The following POFUT3 variants were observed in gnomAD, a reference collection of about 807,000 sequenced individuals.
POFUT3 encodes the protein GDP-fucose protein O-fucosyltransferase 3.
the POFUT3 span, among the ~76,000 whole-genome samples, chr8:33,396,378 A>G: frequency 0.022 from 3,412 of 152,318 alleles, 125 homozygotes; most frequent in African/African-American, 0.079. Context: ...TTGTTTTCCT[A>G]TCAGAATATG....
the POFUT3 span, among the ~76,000 whole-genome samples, chr8:33,344,449 T>G: frequency 6.6e-6 from 1 of 152,230 alleles, no homozygotes; most frequent in African/African-American, 2.4e-5. Context: ...TAAGCAGGAC[T>G]GACACTTGAT....
At chr8:33,383,944 CT>C in the POFUT3 span, among the ~76,000 whole-genome samples, 1 of 149,070 alleles carries the variant, frequency 6.7e-6, no homozygotes, top group East Asian at 1.9e-4. Context: ...GTTCTGACCC[CT>C]GAAAAAAAAA....
the POFUT3 span, among the ~76,000 whole-genome samples, chr8:33,344,217 T>C: frequency 6.6e-6 from 1 of 152,126 alleles, no homozygotes; most frequent in South Asian, 2.1e-4. Flanking sequence ...TAAAAAAATG[T>C]CAAGTCTGGA....
chr8:33,317,867 C>T, the POFUT3 span, among the ~76,000 whole-genome samples: 3 of 152,236 alleles, frequency 2.0e-5, no homozygotes, highest in Admixed American at 1.3e-4. Context: ...CATCAGGGCC[C>T]CAGGCATTTC....
At chr8:33,434,987 A>G in the POFUT3 span, among the ~76,000 whole-genome samples, 2 of 152,314 alleles carry the variant, frequency 1.3e-5, no homozygotes, top group South Asian at 2.1e-4. Flanking sequence ...AAGGAACAAA[A>G]TAACATGACC....
the POFUT3 span, among the ~76,000 whole-genome samples, chr8:33,346,821 A>G: frequency 6.6e-6 from 1 of 152,182 alleles, no homozygotes; most frequent in South Asian, 2.1e-4. Context: ...CATCATATGA[A>G]CAAACATAAT....
At chr8:33,375,181 C>T in the POFUT3 span, among the ~76,000 whole-genome samples, 7 of 152,036 alleles carry the variant, frequency 4.6e-5, no homozygotes, top group Non-Finnish European at 8.8e-5. Context: ...CACGAGCCAC[C>T]GTGCTCAGCT....
At chr8:33,466,995 C>T in the POFUT3 span, among the ~76,000 whole-genome samples, 1 of 152,062 alleles carries the variant, frequency 6.6e-6, no homozygotes, top group African/African-American at 2.4e-5. Flanking sequence ...ATCCCAGCTA[C>T]TTGGGAGGCT....
the POFUT3 span, among the ~76,000 whole-genome samples, chr8:33,444,932 T>A: frequency 9.3e-6 from 1 of 107,100 alleles, no homozygotes; most frequent in Non-Finnish European, 1.9e-5. Context: ...ATGACCTTCA[T>A]CTTTTTTTTT....
the POFUT3 span, among the ~76,000 whole-genome samples, chr8:33,320,049 T>C: frequency 6.6e-6 from 1 of 151,778 alleles, no homozygotes; most frequent in Admixed American, 6.6e-5. Flanking sequence ...ATTCACTGCC[T>C]AGAAAGACTA....
the POFUT3 span, among the ~76,000 whole-genome samples, chr8:33,422,717 A>G: frequency 6.6e-6 from 1 of 152,066 alleles, no homozygotes; most frequent in Non-Finnish European, 1.5e-5. Context: ...AAGTCATGCT[A>G]CAGTCAATAC....
At chr8:33,450,595 A>C in the POFUT3 span, among the ~76,000 whole-genome samples, 1 of 152,180 alleles carries the variant, frequency 6.6e-6, no homozygotes, top group East Asian at 1.9e-4. Flanking sequence ...TAGTTGGTAG[A>C]ATCAGAGGCG....
the POFUT3 span, among the ~76,000 whole-genome samples, chr8:33,469,254 C>G: frequency 6.6e-6 from 1 of 151,990 alleles, no homozygotes; most frequent in Non-Finnish European, 1.5e-5. Context: ...TGCAATGAGC[C>G]GAGATCGCGC....
chr8:33,418,082 C>G, the POFUT3 span, among the ~76,000 whole-genome samples: 2 of 152,146 alleles, frequency 1.3e-5, no homozygotes, highest in Non-Finnish European at 2.9e-5. Flanking sequence ...GCTACAGCAA[C>G]GCACCATTTT....
the POFUT3 span, among the ~76,000 whole-genome samples, chr8:33,318,675 T>C: frequency 1.3e-5 from 1 of 76,532 alleles, no homozygotes; most frequent in Non-Finnish European, 2.3e-5. Context: ...TATAAATATA[T>C]TGTATATATA....
the POFUT3 span, among the ~76,000 whole-genome samples, chr8:33,463,401 A>T: frequency 6.6e-6 from 1 of 151,762 alleles, no homozygotes; most frequent in South Asian, 2.1e-4. Context: ...GCTACTCGGG[A>T]GGCTGAGGCC....
the POFUT3 span, among the ~76,000 whole-genome samples, chr8:33,329,899 G>T: frequency 6.6e-6 from 1 of 152,032 alleles, no homozygotes; most frequent in African/African-American, 2.4e-5. Flanking sequence ...TTTTTACTTT[G>T]TAAGTCTCCT....
At chr8:33,352,176 TTCA>T in the POFUT3 span, among the ~76,000 whole-genome samples, 3 of 152,174 alleles carry the variant, frequency 2.0e-5, no homozygotes, top group Non-Finnish European at 4.4e-5. Context: ...GTGTCTAGTA[TTCA>T]TCAAATAGCC....
the POFUT3 span, among the ~76,000 whole-genome samples, chr8:33,410,216 G>A: frequency 6.6e-6 from 1 of 152,270 alleles, no homozygotes; most frequent in South Asian, 2.1e-4. Flanking sequence ...TACCAGGGAG[G>A]GGACCAGAGG....
Sources: allele counts gnomAD v4.1 joint callset (sites outside exome capture counted in the v4.1 genomes callset), GRCh38; gene constraint gnomAD v4.1.1; transcripts MANE v1.5; gene names NCBI Gene and HGNC (gene_info 2026-07-23, HGNC 2026-07-21).